SLC12A8: variants seen among roughly 807,000 people sequenced by gnomAD.
The protein encoded by SLC12A8 is cation-chloride cotransporter 9.
A neutral mutation model predicts 75.6 loss-of-function variants in SLC12A8; 69 were observed. The ratio of observed to expected loss-of-function variants is 0.91; its 90% CI spans 0.75 to 1.11. The LOEUF (loss-of-function observed/expected upper bound fraction) is 1.11. Ranked by LOEUF, SLC12A8 falls within the 50% of genes most tolerant of loss-of-function variation. SLC12A8 has a pLI of 0.00. For missense variants in SLC12A8, 877 were observed against 896.7 expected, an observed-to-expected ratio of 0.98 and a Z score of 0.28; for synonymous variants, 365 against 372.8, an observed-to-expected ratio of 0.98 and a Z score of 0.24.
chr3:125,128,074 A>G (rs1445853999), intron 6 of SLC12A8, among the ~76,000 whole-genome samples: 4 of 151,690 alleles, frequency 2.6e-5, no homozygotes, highest in Non-Finnish European at 5.9e-5. Flanking sequence ...GGGTTTCACC[A>G]TGTTGGCCAG....
intron 2 of SLC12A8, among the ~76,000 whole-genome samples, chr3:125,203,165 T>C (rs561125135): frequency 6.9e-6 from 1 of 145,372 alleles, no homozygotes; most frequent in African/African-American, 2.5e-5. Context: ...TGCAAAGCAA[T>C]CTACAGAGTC....
chr3:125,198,676 T>C (rs995018208), intron 2 of SLC12A8, among the ~76,000 whole-genome samples: 1 of 152,086 alleles, frequency 6.6e-6, no homozygotes, highest in African/African-American at 2.4e-5. Context: ...GGGTCATGTA[T>C]GATCCTGGAT....
At chr3:125,099,217 G>C (rs1938798031) in intron 10 of SLC12A8, among the ~76,000 whole-genome samples, 1 of 152,174 alleles carries the variant, frequency 6.6e-6, no homozygotes, top group Non-Finnish European at 1.5e-5. Context: ...AGGAAGCAAG[G>C]CTAAACACAT....
chr3:125,117,378 G>A (rs1419964001), intron 8 of SLC12A8, among the ~76,000 whole-genome samples: 3 of 150,788 alleles, frequency 2.0e-5, no homozygotes, highest in African/African-American at 7.3e-5. Flanking sequence ...CTCAAAGCCA[G>A]GAGTTTGAGA....
chr3:125,113,176 T>C (rs1051230737), intron 8 of SLC12A8, among the ~76,000 whole-genome samples: 4 of 152,248 alleles, frequency 2.6e-5, no homozygotes, highest in African/African-American at 9.6e-5. Context: ...GTACACGATA[T>C]GGTGGCTTCC....
chr3:125,209,491 C>T (rs545484048), intron 2 of SLC12A8, among the ~76,000 whole-genome samples: 1 of 152,306 alleles, frequency 6.6e-6, no homozygotes, highest in South Asian at 2.1e-4. Flanking sequence ...CCACTTCCAC[C>T]ATTACTTTAA....
chr3:125,119,473 G>A (rs1932994227), intron 7 of SLC12A8, among the ~76,000 whole-genome samples: 1 of 152,350 alleles, frequency 6.6e-6, no homozygotes, highest in African/African-American at 2.4e-5. Context: ...AAGATGCCCT[G>A]TAACCTTGAA....
intron 3 of SLC12A8, among the ~76,000 whole-genome samples, chr3:125,188,151 G>A (rs1448052685): frequency 1.3e-5 from 2 of 152,174 alleles, no homozygotes; most frequent in African/African-American, 4.8e-5. Flanking sequence ...CCACAGTAAT[G>A]GGTGAGTTCT....
chr3:125,142,658 A>G (rs1933677262), intron 5 of SLC12A8, among the ~76,000 whole-genome samples: 1 of 152,180 alleles, frequency 6.6e-6, no homozygotes, highest in Non-Finnish European at 1.5e-5. Context: ...TTGAAACGCA[A>G]ATTTTGAGTC....
intron 2 of SLC12A8, chr3:125,206,896 G>C (rs1337603738): frequency 1.3e-5 from 2 of 152,246 alleles, no homozygotes; most frequent in Admixed American, 6.5e-5. Context: ...TATCAGAACA[G>C]CATCGAGGGA....
intron 5 of SLC12A8, among the ~76,000 whole-genome samples, chr3:125,148,527 G>T (rs1316740200): frequency 6.6e-6 from 1 of 151,920 alleles, no homozygotes; most frequent in Non-Finnish European, 1.5e-5. Context: ...GCCCACGTGG[G>T]TCCTTTGTAT....
chr3:125,141,012 C>G (rs1392814850), intron 5 of SLC12A8, among the ~76,000 whole-genome samples: 1 of 152,224 alleles, frequency 6.6e-6, no homozygotes, highest in Non-Finnish European at 1.5e-5. Context: ...TGACATCTTT[C>G]AACTCTCGAA....
intron 2 of SLC12A8, among the ~76,000 whole-genome samples, chr3:125,201,328 C>T (rs1049948260): frequency 2.0e-5 from 3 of 151,948 alleles, no homozygotes; most frequent in African/African-American, 7.3e-5. Context: ...CCTTGAGTCC[C>T]AGGAGTTTAA....
chr3:125,121,595 CCT>C (rs1933062996), intron 6 of SLC12A8, among the ~76,000 whole-genome samples: 1 of 152,206 alleles, frequency 6.6e-6, no homozygotes, highest in African/African-American at 2.4e-5. Context: ...ATTTTTTTAT[CCT>C]GTTTAATTCT....
chr3:125,091,287 G>A, intron 12 of SLC12A8, 152 bp downstream of exon 12: 1 of 601,820 alleles, frequency 1.7e-6, no homozygotes, highest in Non-Finnish European at 3.0e-6. Flanking sequence ...TCATGTGCTT[G>A]TCACAGTTCT....
chr3:125,143,165 ATT>A (rs2107766101), intron 5 of SLC12A8, among the ~76,000 whole-genome samples: 1 of 152,336 alleles, frequency 6.6e-6, no homozygotes, highest in East Asian at 1.9e-4. Flanking sequence ...AGTAACCCTA[ATT>A]GAGAGTACAG....
chr3:125,096,389 C>T (rs1046428549), intron 10 of SLC12A8, among the ~76,000 whole-genome samples: 3 of 152,180 alleles, frequency 2.0e-5, no homozygotes, highest in South Asian at 2.1e-4. Context: ...CATATGTCTT[C>T]CCCTACTAGA....
At chr3:125,137,599 C>T (rs7375044) in intron 5 of SLC12A8, among the ~76,000 whole-genome samples, 11,168 of 152,054 alleles carry the variant, frequency 0.073, 537 homozygotes, top group East Asian at 0.17. Flanking sequence ...CCGGCAGGCC[C>T]GCCTCGCAGG....
chr3:125,187,257 G>A lies in SLC12A8; in HGVS notation c.370C>T (p.Leu124=), dbSNP rs1553795786. The A allele has an allele frequency of 1.2e-6, 2 of 1,614,138 alleles. No homozygotes were observed. The highest frequency in any genetic ancestry group is 3.3e-5 in the Admixed American group (2 of 60,018). Residue 124 remains leucine (L), a synonymous_variant, in exon 4 of 14, where the codon CTG becomes TTG. Transcript: ENST00000469902. ...CTCACCTGTCCAAACACATAGAGCA[G>A]CCCGATGGTGCCTCCCGTCTGCCCA... ...LGGQTGGTIG[L]LYVFGQCVAG...
Sources: gnomAD v4.1 joint callset for allele counts (sites outside exome capture counted in the v4.1 genomes callset) on GRCh38, gnomAD v4.1.1 for gene constraint, MANE v1.5 for transcripts, NCBI Gene and HGNC (gene_info 2026-07-23, HGNC 2026-07-21) for gene names.